PCDH11X: variants seen among roughly 807,000 people sequenced by gnomAD.
PCDH11X encodes protocadherin-11 X-linked.
Under a neutral mutation model 53.3 loss-of-function variants are expected in PCDH11X, and 18 were observed. The ratio of observed to expected loss-of-function variants is 0.34; its 90% confidence interval spans 0.23 to 0.50. The LOEUF (loss-of-function observed/expected upper bound fraction) is 0.50. Among genes scored for constraint, PCDH11X ranks in the 20% least tolerant of loss-of-function variants. The pLI, the probability that PCDH11X is intolerant of heterozygous loss-of-function variation, is 0.98. For missense variants in PCDH11X, 570 were observed against 1,032.4 expected (o/e 0.55, Z 6.14); for synonymous variants, 279 against 393.3 (o/e 0.71, Z 3.44).
intron 9 of PCDH11X, chrX:92,461,081 A>G: frequency 2.3e-6 from 1 of 434,534 alleles, no homozygotes. Context: ...ATACAAAAAA[A>G]TTGAAAGACA....
At chrX:92,411,741 A>G (rs1245026151) in intron 9 of PCDH11X, among the ~76,000 whole-genome samples, 1 of 106,386 alleles carries the variant, frequency 9.4e-6, no homozygotes, top group Non-Finnish European at 1.9e-5. Flanking sequence ...ACTTTTTTTA[A>G]AGGGCAGGTA....
chrX:92,241,127 G>T (rs2067255386), intron 7 of PCDH11X, among the ~76,000 whole-genome samples: 1 of 111,398 alleles, frequency 9.0e-6, no homozygotes, highest in Non-Finnish European at 1.9e-5. Context: ...TTAATGGTAT[G>T]CATTTAAATA....
At chrX:92,581,096 A>T in intron 10 of PCDH11X, among the ~76,000 whole-genome samples, 1 of 111,413 alleles carries the variant, frequency 9.0e-6, no homozygotes, top group Admixed American at 9.5e-5. Flanking sequence ...ATTTTTTAAC[A>T]TGTTTCATTT....
At chrX:91,986,759 C>A (rs1489405586) in intron 6 of PCDH11X, among the ~76,000 whole-genome samples, 1 of 106,524 alleles carries the variant, frequency 9.4e-6, no homozygotes, top group Non-Finnish European at 1.9e-5. Context: ...ATTGGGCCCA[C>A]CTGCCTAACC....
chrX:92,453,373 T>C (rs2072841218), intron 9 of PCDH11X, among the ~76,000 whole-genome samples: 1 of 111,581 alleles, frequency 9.0e-6, no homozygotes, highest in Admixed American at 9.5e-5. Context: ...TATGAAACTA[T>C]AGGAAGATGA....
In PCDH11X at chrX:92,618,923, G is replaced by A. The variant is rs778335143; in HGVS notation, c.4027G>A (p.Glu1343Lys). The A allele has an allele frequency of 8.3e-7, 1 of 1,210,357 alleles. No individual in the cohort carries two copies. Among genetic ancestry groups the A allele is most frequent in the African/African-American group, 1.7e-5 (1 of 57,316 alleles). ...GTCCAGAGGTGATTCCCCCATTATG[G>A]AAGAACATCCCTTGTAAAGCTAAAA... is the stretch of plus-strand genomic sequence containing the variant. ...RPSRGDSPIM[E>K]EHPL The change falls in exon 11 of 11, where the codon GAA becomes AAA. Residue 1343 changes from glutamate (E) to lysine (K), a missense_variant. Physicochemically the swap from Glu to Lys is moderately conservative, Grantham distance 56. Transcript: ENST00000682573.
At chrX:91,984,807 A>AT (rs1288904940) in intron 6 of PCDH11X, among the ~76,000 whole-genome samples, 4 of 111,373 alleles carry the variant, frequency 3.6e-5, no homozygotes, top group African/African-American at 1.3e-4. Flanking sequence ...TTCTGATGGC[A>AT]TTTTTTAAAA....
At chrX:92,096,914 G>T (rs77364066) in intron 6 of PCDH11X, among the ~76,000 whole-genome samples, 4,299 of 111,210 alleles carry the variant, frequency 0.039, 209 homozygotes, top group African/African-American at 0.13. Flanking sequence ...TACAAAGTAT[G>T]TGTATGGATG....
At chrX:91,833,772 T>C (rs765291818) in intron 4 of PCDH11X, among the ~76,000 whole-genome samples, 53 of 112,030 alleles carry the variant, frequency 4.7e-4, no homozygotes, top group African/African-American at 1.7e-3. Flanking sequence ...ATATGCATAG[T>C]TTAAAAAATG....
intron 6 of PCDH11X, among the ~76,000 whole-genome samples, chrX:91,985,202 C>T (rs2062209486): frequency 8.9e-6 from 1 of 112,179 alleles, no homozygotes; most frequent in Admixed American, 9.5e-5. Context: ...CTAGGTTTTA[C>T]ATGCTTAAAG....
chrX:92,361,601 C>T (rs772175970), intron 8 of PCDH11X, among the ~76,000 whole-genome samples: 5 of 110,440 alleles, frequency 4.5e-5, no homozygotes, highest in East Asian at 2.9e-4. Flanking sequence ...TACAAATGCT[C>T]TCTTCTCTCT....
intron 7 of PCDH11X, among the ~76,000 whole-genome samples, chrX:92,216,545 G>C (rs1443459445): frequency 3.7e-5 from 4 of 107,075 alleles, no homozygotes; most frequent in Non-Finnish European, 7.7e-5. Context: ...AGAAATATGA[G>C]ACTATGTGAA....
intron 4 of PCDH11X, among the ~76,000 whole-genome samples, chrX:91,828,881 C>T (rs1183983468): frequency 2.7e-5 from 3 of 111,113 alleles, no homozygotes; most frequent in Admixed American, 9.5e-5. Context: ...TAATATCTTA[C>T]CTTGATTTGT....
chrX:92,232,865 G>A (rs1316686663), intron 7 of PCDH11X, among the ~76,000 whole-genome samples: 1 of 111,254 alleles, frequency 9.0e-6, no homozygotes, highest in Non-Finnish European at 1.9e-5. Context: ...ATAGGCGCCC[G>A]CCACCACGCC....
rs766759129 is a variant in PCDH11X, at chrX:91,923,541, G to T, written c.3033+44268G>T. Among the ~76,000 whole-genome samples, 3 of 109,777 alleles carry T rather than the reference G, an allele frequency of 2.7e-5. No homozygotes were observed. The East Asian group carries it at 8.7e-4, about 32-fold the overall frequency. On this transcript the variant is annotated intron_variant, in intron 6 of 10. Transcript: ENST00000682573. ...GCTTACACCAGTGATTTGCCAGAGG[G>T]TCCTGGGCCTTGGGCCACAGACTGA...
At chrX:92,260,887 C>G in intron 7 of PCDH11X, among the ~76,000 whole-genome samples, 1 of 111,523 alleles carries the variant, frequency 9.0e-6, no homozygotes, top group African/African-American at 3.3e-5. Flanking sequence ...AAAAACTGAG[C>G]CAATAGACAT....
At chrX:92,518,876 C>T (rs1359182931) in intron 10 of PCDH11X, among the ~76,000 whole-genome samples, 2 of 106,396 alleles carry the variant, frequency 1.9e-5, no homozygotes, top group Non-Finnish European at 3.9e-5. Context: ...CCTGCCTCAG[C>T]CTCCCGAGTA....
intron 6 of PCDH11X, among the ~76,000 whole-genome samples, chrX:92,190,275 C>A (rs191755865): frequency 7.2e-5 from 8 of 111,091 alleles, no homozygotes; most frequent in Admixed American, 2.9e-4. Context: ...TTCCAATTTT[C>A]TGCATATGGC....
chrX:92,151,147 G>A (rs1424581082), intron 6 of PCDH11X, among the ~76,000 whole-genome samples: 3 of 108,378 alleles, frequency 2.8e-5, no homozygotes, highest in Non-Finnish European at 3.8e-5. Flanking sequence ...GAATTTACCC[G>A]TCATTTCTAG....
Sources: gnomAD v4.1 joint callset for allele counts (sites outside exome capture counted in the v4.1 genomes callset) on GRCh38, gnomAD v4.1.1 for gene constraint, MANE v1.5 for transcripts, NCBI Gene and HGNC (gene_info 2026-07-23, HGNC 2026-07-21) for gene names.